GABRA6: variants seen among roughly 807,000 people sequenced by gnomAD.
The protein encoded by GABRA6 is gamma-aminobutyric acid receptor subunit alpha-6.
Under a neutral mutation model 47.3 loss-of-function variants are expected in GABRA6, and 45 were observed. That is an observed-to-expected ratio of 0.95 (90% CI 0.75 to 1.22). GABRA6 has a LOEUF of 1.22. Among genes scored for constraint, GABRA6 ranks in the 50% most tolerant of loss-of-function variants. The probability of loss-of-function intolerance (pLI) is 0.00; values close to 1 mark genes in which losing one functional copy is unlikely to be tolerated. For missense variants in GABRA6, 583 were observed against 549.3 expected (o/e 1.06, Z -0.61); for synonymous variants, 219 against 194.7 (o/e 1.12, Z -1.04).
chr5:161,694,744 G>T (rs923167925), intron 8 of GABRA6, among the ~76,000 whole-genome samples: 1 of 152,006 alleles, frequency 6.6e-6, no homozygotes, highest in Admixed American at 6.6e-5. Flanking sequence ...GGGAAATTTT[G>T]ATTCTAAAAG....
At chr5:161,689,218 A>C (rs948547371) in intron 4 of GABRA6, 36 bp from the exon 5 acceptor site, 3 of 1,612,044 alleles carry the variant, frequency 1.9e-6, no homozygotes, top group Non-Finnish European at 2.5e-6. Context: ...TATGTCCATA[A>C]TACTAACTCA....
chr5:161,698,486 A>T (rs1324002830), intron 8 of GABRA6, among the ~76,000 whole-genome samples: 1 of 152,118 alleles, frequency 6.6e-6, no homozygotes, highest in East Asian at 1.9e-4. Context: ...AAAATGATTT[A>T]AAAAATAGAT....
In GABRA6 at chr5:161,689,174, G is replaced by A. The variant is rs938644348; in HGVS notation, c.446+5G>A. 6.2e-7 allele frequency: 1 copy of A among 1,613,068 alleles called. No homozygotes were observed. The highest frequency in any genetic ancestry group is 8.5e-7 in the Non-Finnish European group (1 of 1,179,092). On this transcript the variant is annotated splice_donor_5th_base_variant and intron_variant, in intron 4 of 8. Coordinates refer to ENST00000274545, the MANE Select transcript of GABRA6 (RefSeq NM_000811.3). ...AACCATTTTATACACCATGAGGTGA[G>A]GTTTCTCCAATTCTATTTCCCCTGC...
Position 161,686,284 on chromosome 5 carries a change from C to G in GABRA6, c.93C>G (p.Asn31Lys), listed in dbSNP as rs370888800. ...LEVEGNFYSE[N>K]VSRILDNLLE... ...TTGAAGGCAACTTCTACTCAGAAAACGTCAGTCGGATCCTGGACAACTTGC... is the reference window on the plus strand; with the variant it reads ...TTGAAGGCAACTTCTACTCAGAAAAGGTCAGTCGGATCCTGGACAACTTGC... The change falls in exon 2 of 9, where the codon AAC (asparagine) becomes AAG (lysine). Residue 31 changes from asparagine to lysine, a missense_variant. Transcript: ENST00000274545. The G allele has an allele frequency of 6.2e-7, 1 of 1,613,952 alleles. No homozygotes were observed. The highest frequency in any genetic ancestry group is 1.3e-5 in the African/African-American group (1 of 74,924).
At chr5:161,699,557 CTTTTT>C (rs35617127) in intron 8 of GABRA6, among the ~76,000 whole-genome samples, 7 of 129,070 alleles carry the variant, frequency 5.4e-5, no homozygotes, top group Admixed American at 1.6e-4. Flanking sequence ...CAGCTGTCAT[CTTTTT>C]TTTTTTTTTT....
intron 8 of GABRA6, among the ~76,000 whole-genome samples, chr5:161,695,912 T>C (rs1754878094): frequency 6.6e-6 from 1 of 152,164 alleles, no homozygotes; most frequent in African/African-American, 2.4e-5. Context: ...GCCAGGCCTT[T>C]TGTAGAGTGC....
At chr5:161,687,134 G>T (rs1754716785) in intron 3 of GABRA6, 131 bp downstream of exon 3, 5 of 775,360 alleles carry the variant, frequency 6.4e-6, no homozygotes, top group South Asian at 2.9e-5. Flanking sequence ...TTCATGCTGG[G>T]AGGGCATGAC....
chr5:161,693,819 G>GTAA (rs905231109), intron 8 of GABRA6, among the ~76,000 whole-genome samples: 16 of 151,746 alleles, frequency 1.1e-4, no homozygotes, highest in Admixed American at 5.9e-4. Flanking sequence ...TACTGTTTTT[G>GTAA]TAATAATAAT....
chr5:161,692,299 C>A, intron 8 of GABRA6, 99 bp downstream of exon 8: 1 of 1,423,082 alleles, frequency 7.0e-7, no homozygotes. Context: ...GTGAGTTGAG[C>A]ACAGGTTATA....
At chr5:161,693,524 G>A (rs1005485937) in intron 8 of GABRA6, among the ~76,000 whole-genome samples, 1 of 151,988 alleles carries the variant, frequency 6.6e-6, no homozygotes, top group African/African-American at 2.4e-5. Context: ...CAAAAACTTT[G>A]TATAAGCCGA....
chr5:161,701,076 A>T (rs754191053), intron 8 of GABRA6, among the ~76,000 whole-genome samples: 4 of 152,110 alleles, frequency 2.6e-5, no homozygotes, highest in Non-Finnish European at 5.9e-5. Flanking sequence ...TTTTTGTACT[A>T]ATTGTCCACA....
chr5:161,701,658 A>C lies in GABRA6; in HGVS notation c.1247A>C (p.Lys416Thr). ...TCGCCAGCCTTTGGAGGCACCAGTA[A>C]AATAGACCAGTATTCTCGAATTCTC... The part of the protein sequence containing the change: ...PLSPAFGGTS[K>T]IDQYSRILFP... The change falls in exon 9 of 9, where the codon AAA (lysine) becomes ACA (threonine). Residue 416 changes from lysine (K) to threonine (T), a missense_variant. Physicochemically the swap from Lys to Thr is moderately conservative, Grantham distance 78. Coordinates refer to ENST00000274545, the MANE Select transcript of GABRA6 (RefSeq NM_000811.3). The C allele has an allele frequency of 6.2e-7, 1 of 1,614,180 alleles. No homozygotes were observed. Among genetic ancestry groups the C allele is most frequent in the Admixed American group, 1.7e-5 (1 of 60,016 alleles).
intron 8 of GABRA6, among the ~76,000 whole-genome samples, chr5:161,699,730 G>A (rs1324781861): frequency 1.3e-5 from 2 of 151,924 alleles, no homozygotes; most frequent in African/African-American, 4.8e-5. Context: ...CCAAAGCTGG[G>A]ATTACAAGCA....
intron 5 of GABRA6, 50 bp from the exon 6 acceptor site, chr5:161,689,586 A>G (rs746538862): frequency 6.6e-7 from 1 of 1,514,478 alleles, no homozygotes; most frequent in Admixed American, 1.7e-5. Flanking sequence ...AAGGAAAAAA[A>G]GACAACTCGT....
chr5:161,692,083 T>G lies in GABRA6; in HGVS notation c.969T>G (p.Ala323=), dbSNP rs1454233754. The change falls in exon 8 of 9, where the codon GCT becomes GCG. Residue 323 remains alanine, a synonymous_variant. Coordinates refer to ENST00000274545, the MANE Select transcript of GABRA6 (RefSeq NM_000811.3). The part of the protein sequence containing the change: ...FVFSALIEFA[A]VNYFTNLQTQ... Reference sequence around the variant, plus strand: ...TCTCTGCGCTTATCGAGTTCGCAGCTGTCAACTACTTTACCAATCTTCAGA... The same window carrying G: ...TCTCTGCGCTTATCGAGTTCGCAGCGGTCAACTACTTTACCAATCTTCAGA... The G allele has an allele frequency of 2.5e-6, 4 of 1,614,192 alleles. No homozygotes were observed. The South Asian group carries it at 3.3e-5, about 13-fold the overall frequency.
In GABRA6 at chr5:161,701,485, C is replaced by A; in HGVS notation, c.1087-13C>A. ...TCTTTCATTTGGGCTTAATATTTGTCTTTTTTCCACAGCATCCTGACTCCA... is the reference window on the plus strand; with the variant it reads ...TCTTTCATTTGGGCTTAATATTTGTATTTTTTCCACAGCATCCTGACTCCA... On this transcript the variant is annotated splice_polypyrimidine_tract_variant and intron_variant, in intron 8 of 8. Transcript: ENST00000274545. 6.2e-7 allele frequency: 1 copy of A among 1,613,734 alleles called. No individual in the cohort carries two copies. Among genetic ancestry groups the A allele is most frequent in the South Asian group, 1.1e-5 (1 of 91,066 alleles).
rs1258248736 is a variant in GABRA6, at chr5:161,686,437, G to A, written c.157+89G>A. 4.1e-6 allele frequency: 4 copies of A among 986,050 alleles called. No homozygotes were observed. The Admixed American group carries it at 6.8e-5, about 17-fold the overall frequency. The allele number at this position is 986,050 out of a possible 1,614,324, so 61.1% of individuals were successfully genotyped here. On this transcript the variant is annotated intron_variant, in intron 2 of 8. Transcript: ENST00000274545. ...AAGACCCAGAAGAGTCAGAAACTAGGTAGTGGGAAGGGGCAGGGTACGGGA... is the reference window on the plus strand; with the variant it reads ...AAGACCCAGAAGAGTCAGAAACTAGATAGTGGGAAGGGGCAGGGTACGGGA...
At position 161,689,325 on chromosome 5, in the gene GABRA6, A is replaced by G. The variant is rs1270279109; in HGVS notation, c.518A>G (p.Lys173Arg). The G allele has an allele frequency of 1.2e-6, 2 of 1,613,780 alleles. No homozygotes were observed. Among genetic ancestry groups the G allele is most frequent in the Non-Finnish European group, 8.5e-7 (1 of 1,179,830 alleles). Residue 173 changes from lysine to arginine, a missense_variant, in exon 5 of 9, where the codon AAG (lysine) becomes AGG (arginine). Lys to Arg is a conservative substitution (Grantham distance 26). Transcript: ENST00000274545. ...ATGGATGGGCATGCTTGTCCACTCA[A>G]GTTTGGGAGCTGTAAGTTACAACAG... ...FPMDGHACPL[K>R]FGSYAYPKSE...
chr5:161,690,043 C>A, intron 6 of GABRA6, 158 bp from the exon 7 acceptor site: 2 of 738,380 alleles, frequency 2.7e-6, no homozygotes, highest in Middle Eastern at 3.7e-4. Context: ...TTCGCTCTAT[C>A]ATCTGCTGAT....
Sources: allele counts gnomAD v4.1 joint callset (sites outside exome capture counted in the v4.1 genomes callset), GRCh38; gene constraint gnomAD v4.1.1; transcripts MANE v1.5; gene names NCBI Gene and HGNC (gene_info 2026-07-23, HGNC 2026-07-21).